Variants in TSPAN9 observed in about 807,000 individuals in gnomAD.
TSPAN9 encodes tetraspanin-9.
In TSPAN9, 16 loss-of-function variants were observed where a neutral mutation model predicts 31.0. The ratio of observed to expected loss-of-function variants is 0.52; its 90% CI spans 0.35 to 0.78. The LOEUF (loss-of-function observed/expected upper bound fraction) is 0.78, where lower values mean the gene tolerates loss of function less well. Ranked by LOEUF, TSPAN9 falls within the 30% of genes least tolerant of loss-of-function variation. TSPAN9 has a pLI of 0.01. For missense variants in TSPAN9, 272 were observed against 312.5 expected, an observed-to-expected ratio of 0.87 and a Z score of 0.98; for synonymous variants, 145 against 121.6, an observed-to-expected ratio of 1.19 and a Z score of -1.27.
At chr12:3,205,620 C>A (rs183712767) in intron 3 of TSPAN9, among the ~76,000 whole-genome samples, 29 of 152,104 alleles carry the variant, frequency 1.9e-4, no homozygotes, top group African/African-American at 7.0e-4. Flanking sequence ...TGAGTGGGCT[C>A]AAGGGTCCCA....
At position 3,279,031 on chromosome 12, in the gene TSPAN9, A is replaced by C; in HGVS notation, c.295A>C (p.Ile99Leu). Residue 99 changes from isoleucine (I) to leucine (L), a missense_variant, in exon 5 of 9, where the codon ATC (isoleucine) becomes CTC (leucine). By Grantham distance (5) the Ile-to-Leu change is conservative. Coordinates refer to ENST00000011898, the MANE Select transcript of TSPAN9 (RefSeq NM_006675.5). ...GTTGGTCATCCTCCTAGCAGAGCTGATCTTACTCATCCTCTTCTTTGTCTA... is the reference window on the plus strand; with the variant it reads ...GTTGGTCATCCTCCTAGCAGAGCTGCTCTTACTCATCCTCTTCTTTGTCTA... ...VLLVILLAEL[I>L]LLILFFVYMD... 2 of 1,614,074 alleles carry C rather than the reference A, an allele frequency of 1.2e-6. No homozygotes were observed. Among genetic ancestry groups the C allele is most frequent in the Non-Finnish European group, 1.7e-6 (2 of 1,180,008 alleles).
At chr12:3,115,350 A>C (rs2098321726) in intron 2 of TSPAN9, among the ~76,000 whole-genome samples, 1 of 152,152 alleles carries the variant, frequency 6.6e-6, no homozygotes, top group Non-Finnish European at 1.5e-5. Context: ...CTTGTGAGTT[A>C]TTACCACCTT....
At chr12:3,238,672 C>A (rs1010086479) in intron 3 of TSPAN9, among the ~76,000 whole-genome samples, 1 of 152,164 alleles carries the variant, frequency 6.6e-6, no homozygotes, top group East Asian at 1.9e-4. Context: ...GCCTTCATTT[C>A]TCCACTCAAA....
intron 2 of TSPAN9, among the ~76,000 whole-genome samples, chr12:3,112,111 G>C (rs767580519): frequency 6.6e-6 from 1 of 150,940 alleles, no homozygotes; most frequent in Non-Finnish European, 1.5e-5. Flanking sequence ...CAATTTATTG[G>C]CATCTAGTTG....
At chr12:3,140,082 A>G (rs1161097077) in intron 2 of TSPAN9, among the ~76,000 whole-genome samples, 1 of 152,172 alleles carries the variant, frequency 6.6e-6, no homozygotes, top group Non-Finnish European at 1.5e-5. Flanking sequence ...AGGGTATCTC[A>G]GGGCAGCCAC....
At chr12:3,237,458 C>T (rs2098394408) in intron 3 of TSPAN9, among the ~76,000 whole-genome samples, 2 of 152,250 alleles carry the variant, frequency 1.3e-5, no homozygotes. Context: ...GAGTGTCCCT[C>T]TGGCCGGGAG....
At chr12:3,245,151 C>T (rs1280148583) in intron 3 of TSPAN9, among the ~76,000 whole-genome samples, 7 of 152,354 alleles carry the variant, frequency 4.6e-5, no homozygotes, top group East Asian at 3.9e-4. Flanking sequence ...TCTCTGGCAG[C>T]GCCTGGTTCT....
intron 3 of TSPAN9, among the ~76,000 whole-genome samples, chr12:3,214,466 G>A (rs944676093): frequency 6.6e-6 from 1 of 152,042 alleles, no homozygotes; most frequent in South Asian, 2.1e-4. Flanking sequence ...GGGCTGGGTC[G>A]GGACAGGAGC....
intron 3 of TSPAN9, among the ~76,000 whole-genome samples, chr12:3,214,444 C>T (rs1415421635): frequency 6.6e-6 from 1 of 152,186 alleles, no homozygotes; most frequent in Non-Finnish European, 1.5e-5. Flanking sequence ...GAGTGAGCGG[C>T]TGCCTGCCGC....
chr12:3,265,194 T>C (rs1862517816), intron 3 of TSPAN9, among the ~76,000 whole-genome samples: 1 of 152,216 alleles, frequency 6.6e-6, no homozygotes, highest in African/African-American at 2.4e-5. Flanking sequence ...AAAGCAGAAA[T>C]CCTTTCAGTG....
At chr12:3,216,176 G>A (rs1478012018) in intron 3 of TSPAN9, among the ~76,000 whole-genome samples, 1 of 152,188 alleles carries the variant, frequency 6.6e-6, no homozygotes, top group Non-Finnish European at 1.5e-5. Flanking sequence ...TCTGGGAGCT[G>A]GGGAGTCTGT....
intron 3 of TSPAN9, among the ~76,000 whole-genome samples, chr12:3,208,244 T>C (rs1453835778): frequency 6.6e-6 from 1 of 152,132 alleles, no homozygotes; most frequent in African/African-American, 2.4e-5. Flanking sequence ...GATCCCCAAG[T>C]GTCCCTCGGG....
At chr12:3,237,798 A>C (rs2098394590) in intron 3 of TSPAN9, among the ~76,000 whole-genome samples, 1 of 152,148 alleles carries the variant, frequency 6.6e-6, no homozygotes, top group African/African-American at 2.4e-5. Flanking sequence ...AGCTCCCTCC[A>C]GCTGTCCCTG....
At chr12:3,086,664 T>G (rs1364858730) in intron 2 of TSPAN9, among the ~76,000 whole-genome samples, 3 of 152,204 alleles carry the variant, frequency 2.0e-5, no homozygotes, top group African/African-American at 7.2e-5. Context: ...TGGAGGGTCT[T>G]GTGGCCTTTG....
At chr12:3,127,325 C>G (rs1053309439) in intron 2 of TSPAN9, among the ~76,000 whole-genome samples, 2 of 151,956 alleles carry the variant, frequency 1.3e-5, no homozygotes, top group African/African-American at 2.4e-5. Flanking sequence ...TGTAAAGGAC[C>G]TGCTTGAGGC....
chr12:3,207,292 C>A (rs560240097), intron 3 of TSPAN9, among the ~76,000 whole-genome samples: 2 of 152,114 alleles, frequency 1.3e-5, no homozygotes, highest in African/African-American at 4.8e-5. Flanking sequence ...TTTCTCCCCC[C>A]TTTCCAGCCT....
chr12:3,193,769 C>A (rs1230119375), intron 2 of TSPAN9, among the ~76,000 whole-genome samples: 1 of 152,240 alleles, frequency 6.6e-6, no homozygotes, highest in Non-Finnish European at 1.5e-5. Context: ...CTGTCCCTGA[C>A]TTGCTCCTGT....
At chr12:3,082,077 A>G (rs1265640018) in intron 1 of TSPAN9, among the ~76,000 whole-genome samples, 1 of 152,190 alleles carries the variant, frequency 6.6e-6, no homozygotes, top group Non-Finnish European at 1.5e-5. Flanking sequence ...GGGGCTTATA[A>G]GCCAGTAAAG....
At chr12:3,279,169 A>G (rs1862851235) in intron 5 of TSPAN9, 103 bp downstream of exon 5, 2 of 1,019,544 alleles carry the variant, frequency 2.0e-6, no homozygotes, top group Non-Finnish European at 3.1e-6. Flanking sequence ...GAGTGCTGGC[A>G]AGCAGCACCT....
Sources: gnomAD v4.1 joint callset for allele counts (sites outside exome capture counted in the v4.1 genomes callset) on GRCh38, gnomAD v4.1.1 for gene constraint, MANE v1.5 for transcripts, NCBI Gene and HGNC (gene_info 2026-07-23, HGNC 2026-07-21) for gene names.